The following PLEC variants were observed in gnomAD, a reference collection of about 807,000 sequenced individuals.
The protein encoded by PLEC is hemidesmosomal protein 1.
PLEC carries 216 observed loss-of-function variants against 392.8 expected under a neutral mutation model. The observed-to-expected ratio is 0.55, with a 90% CI of 0.49 to 0.62. PLEC has a LOEUF of 0.62. PLEC is among the 20% of genes least tolerant of loss of function. PLEC has a pLI of 0.00. For missense variants in PLEC, 6,863 were observed against 6,563.4 expected, an observed-to-expected ratio of 1.05 and a Z score of -1.58; for synonymous variants, 3,621 against 2,980.6, an observed-to-expected ratio of 1.21 and a Z score of -7.00.
At chr8:143,950,999 C>A (rs1832091404), upstream of PLEC, 1 of 534,302 alleles carries the variant, frequency 1.9e-6, no homozygotes. Flanking sequence ...GCCCCTCCCA[C>A]CCACAGCCGA....
At chr8:143,928,626 G>A (rs1163035110) in intron 25 of PLEC, among the ~76,000 whole-genome samples, 8 of 124,542 alleles carry the variant, frequency 6.4e-5, no homozygotes, top group African/African-American at 2.2e-4. Context: ...AGGAAGAGGC[G>A]GCGGCCCTAT....
Position 143,924,913 on chromosome 8 carries a change from C to T in PLEC, c.5016G>A (p.Glu1672=). 6.3e-7 allele frequency: 1 copy of T among 1,585,896 alleles called. No homozygotes were observed. Among genetic ancestry groups the T allele is most frequent in the Non-Finnish European group, 8.5e-7 (1 of 1,173,920 alleles). The change falls in exon 31 of 32, where the codon GAG becomes GAA. Residue 1672 remains glutamate (E), a synonymous_variant. Transcript: ENST00000345136. ...AEKQKEEAER[E]ARRRGKAEEQ... ...CCTCCGCCTTGCCGCGCCGCCGCGC[C>T]TCGCGCTCCGCCTCCTCCTTCTGCT...
At chr8:143,939,314 C>G (rs782334885) in intron 1 of PLEC, 36 bp downstream of exon 1, 1 of 1,594,176 alleles carries the variant, frequency 6.3e-7, no homozygotes, top group South Asian at 1.1e-5. Flanking sequence ...GGGGCCCGCC[C>G]TGCCTGGCGG....
chr8:143,930,927 C>G (rs1273308303), intron 19 of PLEC, among the ~76,000 whole-genome samples: 3 of 152,158 alleles, frequency 2.0e-5, no homozygotes, highest in Non-Finnish European at 4.4e-5. Flanking sequence ...GCTCTCCCCC[C>G]GGCCCAGCCC....
intron 30 of PLEC, among the ~76,000 whole-genome samples, 176 bp from the exon 31 acceptor site, chr8:143,926,060 G>A (rs956662880): frequency 7.2e-5 from 11 of 152,244 alleles, no homozygotes; most frequent in East Asian, 1.9e-4. Context: ...CTCGGGCAGC[G>A]ATCGCAGCCG....
At chr8:143,931,874 G>T in intron 18 of PLEC, 63 bp downstream of exon 18, 1 of 1,479,202 alleles carries the variant, frequency 6.8e-7, no homozygotes, top group Non-Finnish European at 9.3e-7. Flanking sequence ...GCTGCCGAGG[G>T]GGTCCAGGGG....
rs782305250 is a variant in PLEC, at chr8:143,923,502, C to T, written c.6427G>A (p.Glu2143Lys). ...AAAEKLRKEA[E>K]QEAARRAQAE... Reference sequence around the variant, plus strand: ...TGTGCCCGCCGCGCCGCCTCTTGCTCGGCCTCCTTGCGCAGCTTCTCTGCA... The same window carrying T: ...TGTGCCCGCCGCGCCGCCTCTTGCTTGGCCTCCTTGCGCAGCTTCTCTGCA... The change falls in exon 31 of 32, where the codon GAG (glutamate) becomes AAG (lysine). Residue 2143 changes from glutamate (E) to lysine (K), a missense_variant. Coordinates refer to ENST00000345136, the MANE Select transcript of PLEC (RefSeq NM_201384.3). 3.8e-5 allele frequency: 60 copies of T among 1,598,322 alleles called. No individual in the cohort carries two copies. The highest frequency in any genetic ancestry group is 5.4e-5 in the African/African-American group (4 of 74,684).
intron 25 of PLEC, 58 bp downstream of exon 25, chr8:143,929,045 C>G: frequency 6.8e-7 from 1 of 1,474,330 alleles, no homozygotes; most frequent in Non-Finnish European, 9.2e-7. Context: ...GGTCACAGCC[C>G]TCACCCCAGC....
rs781868892 is a variant in PLEC at position 143,917,933 on chromosome 8, G to A, written c.11888C>T (p.Ala3963Val). The A allele has an allele frequency of 6.2e-6, 10 of 1,613,024 alleles. No individual in the cohort carries two copies. The highest frequency in any genetic ancestry group is 8.5e-6 in the Non-Finnish European group (10 of 1,180,012). The change falls in exon 32 of 32, where the codon GCC (alanine) becomes GTC (valine). Residue 3963 changes from alanine (A) to valine (V), a missense_variant. Coordinates refer to ENST00000345136, the MANE Select transcript of PLEC (RefSeq NM_201384.3). ...CGCCTGCGCCTCCAGGAGCTCAAAGGCTGTGCCGGGGCGGATGATGCCCTT... is the reference window on the plus strand; with the variant it reads ...CGCCTGCGCCTCCAGGAGCTCAAAGACTGTGCCGGGGCGGATGATGCCCTT... ...MKKGIIRPGT[A>V]FELLEAQAAT... is the part of the protein sequence containing the mutation.
chr8:143,927,361 T>C, intron 27 of PLEC, 26 bp from the exon 28 acceptor site: 1 of 1,611,638 alleles, frequency 6.2e-7, no homozygotes. Context: ...GTCAGAGCCG[T>C]GGCCGCAGGG....
At position 143,931,919 on chromosome 8, in the gene PLEC, G is replaced by A. The variant is rs1554715857; in HGVS notation, c.2178+18C>T. ...GGCTGCCGCTGAGCCACAGTGCGGA[G>A]GGGGCTCCGGTTCTCACCTGAAAGT... On this transcript the variant is annotated intron_variant, in intron 18 of 31. Coordinates refer to ENST00000345136, the MANE Select transcript of PLEC (RefSeq NM_201384.3). 3.1e-6 allele frequency: 5 copies of A among 1,593,228 alleles called. No individual in the cohort carries two copies. The highest frequency in any genetic ancestry group is 3.4e-6 in the Non-Finnish European group (4 of 1,169,082).
In PLEC at chr8:143,921,816, G is replaced by A; in HGVS notation, c.8005C>T (p.Leu2669=). The A allele has an allele frequency of 6.2e-7, 1 of 1,608,442 alleles. No homozygotes were observed. The highest frequency in any genetic ancestry group is 8.5e-7 in the Non-Finnish European group (1 of 1,179,736). ...QEAGILSAEE[L]QRLAQGHTTV... is the part of the protein sequence containing the mutation. Reference sequence around the variant, plus strand: ...GTGTGGCCCTGCGCCAACCGCTGCAGCTCCTCCGCACTCAGGATGCCGGCC... The same window carrying A: ...GTGTGGCCCTGCGCCAACCGCTGCAACTCCTCCGCACTCAGGATGCCGGCC... The change falls in exon 32 of 32, where the codon CTG becomes TTG. Residue 2669 remains leucine (L), a synonymous_variant. Transcript: ENST00000345136.
At position 143,922,605 on chromosome 8, in the gene PLEC, C is replaced by T; in HGVS notation, c.7324G>A (p.Asp2442Asn). The T allele has an allele frequency of 6.2e-7, 1 of 1,613,654 alleles. No individual in the cohort carries two copies. Among genetic ancestry groups the T allele is most frequent in the South Asian group, 1.1e-5 (1 of 91,044 alleles). Residue 2442 changes from aspartate (D) to asparagine (N), a missense_variant, in exon 31 of 32, where the codon GAC (aspartate) becomes AAC (asparagine). Physicochemically the swap from Asp to Asn is conservative, Grantham distance 23. Transcript: ENST00000345136. ...TCCCGCAGGCGCTCGGCATCATGGTCACTCTGCTGTCGCTGGATCTCCAGT... is the reference window on the plus strand; with the variant it reads ...TCCCGCAGGCGCTCGGCATCATGGTTACTCTGCTGTCGCTGGATCTCCAGT... ...QTLEIQRQQS[D>N]HDAERLREAI... is the part of the protein sequence containing the mutation.
intron 1 of PLEC, among the ~76,000 whole-genome samples, chr8:143,948,403 GC>G (rs1208818573): frequency 1.3e-5 from 2 of 152,342 alleles, no homozygotes; most frequent in South Asian, 2.1e-4. Flanking sequence ...CATCAGAACT[GC>G]CCCGGGCTGT....
At chr8:143,943,972 G>A, upstream of PLEC, 1 of 1,549,962 alleles carries the variant, frequency 6.5e-7, no homozygotes, top group Non-Finnish European at 8.7e-7. Flanking sequence ...CTCCCTGCGT[G>A]CAGGGCGAGC....
chr8:143,955,610 G>C (rs78264062), upstream of PLEC, among the ~76,000 whole-genome samples: 1 of 140,756 alleles, frequency 7.1e-6, no homozygotes, highest in Admixed American at 6.8e-5. Flanking sequence ...TTTTTGTTTT[G>C]TTTTTTTGAG....
Position 143,950,298 on chromosome 8 carries a change from GC to G in PLEC, c.408del (p.Glu136AspfsTer117), listed in dbSNP as rs1554735193. On this transcript the variant is annotated frameshift_variant, in exon 1 of 32. Coordinates refer to the PLEC transcript ENST00000322810. LOFTEE classifies it high-confidence loss of function. ...AGCTCCTTCCGACGGTAGACCCGCT[GC>G]TCCTCCGTCGGCAGCGGCCCCCGCT... The G allele has an allele frequency of 1.3e-6, 2 of 1,571,154 alleles. No individual in the cohort carries two copies. The highest frequency in any genetic ancestry group is 3.8e-5 in the Admixed American group (2 of 52,866).
chr8:143,944,254 C>T (rs1362647213), upstream of PLEC, among the ~76,000 whole-genome samples: 3 of 152,158 alleles, frequency 2.0e-5, no homozygotes, highest in Non-Finnish European at 2.9e-5. Context: ...AGCCGCAGCC[C>T]CCCAGCACTG....
At chr8:143,976,200 C>A (rs774835892), upstream of PLEC, among the ~76,000 whole-genome samples, 1 of 152,206 alleles carries the variant, frequency 6.6e-6, no homozygotes, top group Non-Finnish European at 1.5e-5. Context: ...GGCGCGTACA[C>A]CGGCACCGCG....
Sources: gnomAD v4.1 joint callset for allele counts (sites outside exome capture counted in the v4.1 genomes callset) on GRCh38, gnomAD v4.1.1 for gene constraint, MANE v1.5 for transcripts, NCBI Gene and HGNC (gene_info 2026-07-23, HGNC 2026-07-21) for gene names.